Variants in TGFBI observed in about 807,000 individuals in gnomAD.
TGFBI encodes transforming growth factor-beta-induced protein ig-h3.
In TGFBI, 50 loss-of-function variants were observed where a neutral mutation model predicts 73.7. The ratio of observed to expected loss-of-function variants is 0.68; its 90% confidence interval spans 0.54 to 0.86. The LOEUF is 0.86. TGFBI is among the 40% of genes least tolerant of loss of function. TGFBI has a pLI of 0.00. For synonymous variants in TGFBI, 362 were observed against 360.5 expected, an observed-to-expected ratio of 1.00 and a Z score of -0.05; for missense variants, 839 against 877.0, an observed-to-expected ratio of 0.96 and a Z score of 0.55.
chr5:136,047,666 G>T (rs1751455435), intron 6 of TGFBI: 3 of 512,728 alleles, frequency 5.9e-6, no homozygotes, highest in Non-Finnish European at 1.0e-5. Context: ...AAGGTCAGTG[G>T]TGTGTGGCTG....
At chr5:136,053,857 CTGA>C in intron 8 of TGFBI, 83 bp from the exon 9 acceptor site, 2 of 1,575,558 alleles carry the variant, frequency 1.3e-6, no homozygotes, top group Non-Finnish European at 1.7e-6. Flanking sequence ...GACATTCCTG[CTGA>C]TGTGTGTCAT....
Position 136,054,765 on chromosome 5 carries a change from C to T in TGFBI, c.1314C>T (p.His438=). 6.2e-7 allele frequency: 1 copy of T among 1,613,976 alleles called. No individual in the cohort carries two copies. Among genetic ancestry groups the T allele is most frequent in the Non-Finnish European group, 8.5e-7 (1 of 1,179,890 alleles). The change falls in exon 10 of 17, where the codon CAC becomes CAT. Residue 438 remains histidine (H), a synonymous_variant. Coordinates refer to ENST00000442011, the MANE Select transcript of TGFBI (RefSeq NM_000358.3). ...ATACAAGGAATTTGCTTCGGAACCACATAATTAAAGACCAGCTGGCCTCTA... is the reference window on the plus strand; with the variant it reads ...ATACAAGGAATTTGCTTCGGAACCATATAATTAAAGACCAGCTGGCCTCTA... ...DAHTRNLLRN[H]IIKDQLASKY... is the part of the protein sequence containing the mutation.
chr5:136,032,599 T>C (rs991927983), intron 1 of TGFBI, among the ~76,000 whole-genome samples: 1 of 152,230 alleles, frequency 6.6e-6, no homozygotes, highest in Non-Finnish European at 1.5e-5. Context: ...CTTCATCCTT[T>C]GGGTGATACC....
chr5:136,047,633 T>G, intron 6 of TGFBI: 9 of 593,992 alleles, frequency 1.5e-5, no homozygotes, highest in Middle Eastern at 4.7e-4. Context: ...TTATAAAGTG[T>G]TCCCTTCCTT....
Position 136,060,839 on chromosome 5 carries a change from C to A in TGFBI, c.1809C>A (p.Asn603Lys). ...CTACTCTGTTTTTCTTTTAGAAAAA[C>A]AATGTGGTGAGTGTCAACAAGGAGC... Reference protein sequence around the residue: ...QGDKLEVSLKNNVVSVNKEPV... With the variant: ...QGDKLEVSLKKNVVSVNKEPV... Residue 603 changes from asparagine (N) to lysine (K), a missense_variant, in exon 14 of 17, where the codon AAC becomes AAA. Coordinates refer to ENST00000442011, the MANE Select transcript of TGFBI (RefSeq NM_000358.3). 1 of 1,596,886 alleles carries A rather than the reference C, an allele frequency of 6.3e-7. No individual in the cohort carries two copies. Among genetic ancestry groups the A allele is most frequent in the African/African-American group, 1.3e-5 (1 of 74,852 alleles).
chr5:136,054,857 G>A lies in TGFBI; in HGVS notation c.1406G>A (p.Arg469His), dbSNP rs376761086. 2.3e-4 allele frequency: 367 copies of A among 1,613,606 alleles called. 3 individuals are homozygous for A. The South Asian group carries it at 3.0e-3, about 13-fold the overall frequency. The change falls in exon 10 of 17, where the codon CGT (arginine) becomes CAT (histidine). Residue 469 changes from arginine to histidine, a missense_variant. Coordinates refer to ENST00000442011, the MANE Select transcript of TGFBI (RefSeq NM_000358.3). ...GGKKLRVFVY[R>H]NSLCIENSCI... ...AAAAAACTGAGAGTTTTTGTTTATC[G>A]TAATGTAAGTTCTGGGTCCTAAATC...
At chr5:136,048,297 A>G (rs1405503583) in intron 6 of TGFBI, 1 of 152,248 alleles carries the variant, frequency 6.6e-6, no homozygotes, top group African/African-American at 2.4e-5. Context: ...AGTTGGCAGC[A>G]CGTGAACAGC....
intron 10 of TGFBI, chr5:136,055,143 G>A (rs879676951): frequency 1.8e-4 from 72 of 402,564 alleles, no homozygotes; most frequent in African/African-American, 1.4e-3. Flanking sequence ...CTGGGAGGAG[G>A]GATGGAGTTC....
intron 2 of TGFBI, among the ~76,000 whole-genome samples, chr5:136,041,361 G>A (rs1328050726): frequency 6.6e-6 from 1 of 152,212 alleles, no homozygotes; most frequent in East Asian, 1.9e-4. Context: ...ATCCATGTGT[G>A]ACAGTAGAGT....
At chr5:136,029,324 G>T (rs1199286730) in intron 1 of TGFBI, 135 bp downstream of exon 1, 64 of 1,050,096 alleles carry the variant, frequency 6.1e-5, no homozygotes, top group Non-Finnish European at 8.2e-5. Flanking sequence ...AGCATGGAGC[G>T]CTCGGACACC....
chr5:136,060,288 T>C (rs1426398329), intron 13 of TGFBI, among the ~76,000 whole-genome samples: 1 of 152,234 alleles, frequency 6.6e-6, no homozygotes, highest in Non-Finnish European at 1.5e-5. Context: ...AAAAGCATTA[T>C]GTAAATTGCA....
intron 1 of TGFBI, among the ~76,000 whole-genome samples, chr5:136,032,488 T>A (rs997372206): frequency 2.6e-5 from 4 of 152,230 alleles, no homozygotes; most frequent in Non-Finnish European, 5.9e-5. Context: ...GGTGTAGTTT[T>A]TACTGCAATA....
intron 12 of TGFBI, 59 bp downstream of exon 12, chr5:136,056,854 C>A: frequency 6.5e-7 from 1 of 1,539,480 alleles, no homozygotes. Flanking sequence ...CCTCAGGGCC[C>A]CAGCAGCAAA....
chr5:136,041,620 C>T (rs1751341116), intron 2 of TGFBI, among the ~76,000 whole-genome samples: 1 of 152,202 alleles, frequency 6.6e-6, no homozygotes, highest in Non-Finnish European at 1.5e-5. Context: ...GAAACTCCTT[C>T]ACCCCTCAGA....
At chr5:136,046,523 A>G in intron 4 of TGFBI, 28 bp downstream of exon 4, 1 of 1,576,386 alleles carries the variant, frequency 6.3e-7, no homozygotes, top group Non-Finnish European at 8.6e-7. Flanking sequence ...TGCCCGGGGG[A>G]CTCTTATGGG....
chr5:136,042,566 G>T (rs533799278), intron 2 of TGFBI, among the ~76,000 whole-genome samples: 1 of 152,070 alleles, frequency 6.6e-6, no homozygotes, highest in South Asian at 2.1e-4. Flanking sequence ...CAAGACAATA[G>T]CCTGTTTAGC....
chr5:136,032,764 C>A (rs553263945), intron 1 of TGFBI, among the ~76,000 whole-genome samples: 2 of 152,236 alleles, frequency 1.3e-5, no homozygotes, highest in South Asian at 4.2e-4. Flanking sequence ...TGACTGACCA[C>A]GTAGCACAGC....
At chr5:136,030,229 A>G (rs1288402354) in intron 1 of TGFBI, among the ~76,000 whole-genome samples, 1 of 152,190 alleles carries the variant, frequency 6.6e-6, no homozygotes, top group African/African-American at 2.4e-5. Flanking sequence ...CCCACAAGCA[A>G]TGCCCAAACC....
chr5:136,034,133 T>C (rs796887327), intron 2 of TGFBI, among the ~76,000 whole-genome samples: 18 of 152,246 alleles, frequency 1.2e-4, no homozygotes, highest in African/African-American at 4.1e-4. Context: ...TGTGTGTGTG[T>C]GTGTGTGTGT....
Sources: allele counts gnomAD v4.1 joint callset (sites outside exome capture counted in the v4.1 genomes callset), GRCh38; gene constraint gnomAD v4.1.1; transcripts MANE v1.5; gene names NCBI Gene and HGNC (gene_info 2026-07-23, HGNC 2026-07-21).